CNTLN: variants seen among roughly 807,000 people sequenced by gnomAD.
The protein encoded by CNTLN is centlein.
In CNTLN, 212 loss-of-function variants were observed where a neutral mutation model predicts 180.0. The ratio of observed to expected loss-of-function variants is 1.18; its 90% CI spans 1.05 to 1.32. The LOEUF (loss-of-function observed/expected upper bound fraction) is 1.32. CNTLN is among the 40% of genes most tolerant of loss of function. The probability of loss-of-function intolerance (pLI) is 0.00; values close to 1 mark genes in which losing one functional copy is unlikely to be tolerated. For missense variants in CNTLN, 2,095 were observed against 1,610.9 expected (o/e 1.30, Z -5.14); for synonymous variants, 722 against 563.1 (o/e 1.28, Z -3.99).
chr9:17,337,996 A>G (rs181514789), intron 10 of CNTLN, among the ~76,000 whole-genome samples: 12 of 152,270 alleles, frequency 7.9e-5, no homozygotes, highest in Admixed American at 4.6e-4. Flanking sequence ...GATTCAATGA[A>G]GAATAATTAT....
At chr9:17,319,085 T>C (rs1300665800) in intron 8 of CNTLN, among the ~76,000 whole-genome samples, 1 of 152,148 alleles carries the variant, frequency 6.6e-6, no homozygotes, top group Non-Finnish European at 1.5e-5. Flanking sequence ...AGGAGCATGT[T>C]TATGGAGAGG....
intron 18 of CNTLN, among the ~76,000 whole-genome samples, chr9:17,430,428 T>C (rs1564099859): frequency 6.6e-6 from 1 of 152,092 alleles, no homozygotes; most frequent in Non-Finnish European, 1.5e-5. Flanking sequence ...TATTGATACA[T>C]AATAGTTGTT....
At chr9:17,205,636 C>G (rs1025202888) in intron 2 of CNTLN, among the ~76,000 whole-genome samples, 4 of 152,128 alleles carry the variant, frequency 2.6e-5, no homozygotes, top group Non-Finnish European at 5.9e-5. Context: ...AGGAGGAGGC[C>G]AGAGGGATTT....
At chr9:17,345,819 T>C (rs4961540) in intron 12 of CNTLN, among the ~76,000 whole-genome samples, 90,336 of 151,894 alleles carry the variant, frequency 0.59, 27,146 homozygotes, top group East Asian at 0.73. Flanking sequence ...GATAAATAAT[T>C]TATGTATGGG....
At chr9:17,396,840 G>A (rs1826562868) in intron 15 of CNTLN, among the ~76,000 whole-genome samples, 2 of 152,120 alleles carry the variant, frequency 1.3e-5, no homozygotes, top group Non-Finnish European at 2.9e-5. Flanking sequence ...CTTGTCCTCA[G>A]GCAGTTAAAG....
Position 17,407,131 on chromosome 9 carries a change from C to G in CNTLN, c.2616-2162C>G, listed in dbSNP as rs1827454648. Among the ~76,000 whole-genome samples the G allele has an allele frequency of 2.0e-5, 3 of 152,072 alleles. No individual in the cohort carries two copies. In the South Asian group the frequency reaches 6.2e-4, roughly 32 times the overall value. ...TACTGAAATAACTTGTAGATTTGAT[C>G]AATTGCTGTTGGTATTTTGAAGGAG... On this transcript the variant is annotated intron_variant, in intron 15 of 25. Transcript: ENST00000380647.
chr9:17,171,018 G>C (rs1327721850), intron 2 of CNTLN, among the ~76,000 whole-genome samples: 1 of 152,108 alleles, frequency 6.6e-6, no homozygotes, highest in East Asian at 1.9e-4. Flanking sequence ...ATATCATTTA[G>C]GTTTATGTGA....
intron 18 of CNTLN, among the ~76,000 whole-genome samples, chr9:17,431,827 G>A (rs1829434512): frequency 6.6e-6 from 1 of 152,060 alleles, no homozygotes; most frequent in African/African-American, 2.4e-5. Context: ...AACACCAGAA[G>A]GAAGCAACAC....
Position 17,363,669 on chromosome 9 carries a change from A to G in CNTLN, c.1887-2948A>G, listed in dbSNP as rs533538852. Among the ~76,000 whole-genome samples, 24 of 152,150 alleles carry G rather than the reference A, an allele frequency of 1.6e-4. No individual in the cohort carries two copies. In the East Asian group the frequency reaches 3.1e-3, roughly 20 times the overall value. ...TACAAGGACCTTGAAATGTTTAACT[A>G]TGGTATCTTTGATGATCCAATATCG... On this transcript the variant is annotated intron_variant, in intron 12 of 25. Transcript: ENST00000380647.
At chr9:17,323,396 G>T (rs1270456421) in intron 8 of CNTLN, among the ~76,000 whole-genome samples, 2 of 152,160 alleles carry the variant, frequency 1.3e-5, no homozygotes, top group Non-Finnish European at 2.9e-5. Context: ...TAGAACATTA[G>T]CCATGGCACT....
intron 5 of CNTLN, among the ~76,000 whole-genome samples, chr9:17,263,360 A>G (rs535237985): frequency 6.6e-6 from 1 of 150,904 alleles, no homozygotes; most frequent in South Asian, 2.1e-4. Flanking sequence ...TGTCCCTACA[A>G]AGGACATGAA....
At chr9:17,428,817 A>G (rs1829244319) in intron 18 of CNTLN, among the ~76,000 whole-genome samples, 1 of 152,098 alleles carries the variant, frequency 6.6e-6, no homozygotes, top group Non-Finnish European at 1.5e-5. Context: ...ATACACAATT[A>G]TAGGAAGGAA....
chr9:17,291,849 T>C (rs1829433450), intron 6 of CNTLN, among the ~76,000 whole-genome samples: 1 of 152,214 alleles, frequency 6.6e-6, no homozygotes, highest in Non-Finnish European at 1.5e-5. Flanking sequence ...CCTGTTATGA[T>C]GGTAGCTGGT....
chr9:17,440,681 A>G (rs2134040129), intron 18 of CNTLN, among the ~76,000 whole-genome samples: 1 of 152,326 alleles, frequency 6.6e-6, no homozygotes, highest in East Asian at 1.9e-4. Flanking sequence ...CAAAGGGGAA[A>G]CAACCTATGG....
At chr9:17,427,980 G>C (rs1487533147) in intron 18 of CNTLN, among the ~76,000 whole-genome samples, 4 of 152,028 alleles carry the variant, frequency 2.6e-5, no homozygotes, top group Admixed American at 6.6e-5. Flanking sequence ...GCTTATTTGT[G>C]GTAAGAGACA....
chr9:17,496,247 G>A (rs1043602683), intron 25 of CNTLN, among the ~76,000 whole-genome samples: 1 of 152,090 alleles, frequency 6.6e-6, no homozygotes, highest in Admixed American at 6.5e-5. Context: ...GTACTATTAA[G>A]TGTTCTCTTA....
chr9:17,201,643 C>T (rs1356428551), intron 2 of CNTLN, among the ~76,000 whole-genome samples: 3 of 152,116 alleles, frequency 2.0e-5, no homozygotes, highest in African/African-American at 7.2e-5. Flanking sequence ...ATGGTATTCT[C>T]TGATGGTAGT....
chr9:17,298,051 C>A (rs1014350952), intron 6 of CNTLN, 139 bp from the exon 7 acceptor site: 4 of 532,500 alleles, frequency 7.5e-6, no homozygotes, highest in Non-Finnish European at 9.3e-6. Context: ...GTCATTATTT[C>A]TTTTATTAAT....
intron 14 of CNTLN, among the ~76,000 whole-genome samples, chr9:17,390,235 C>CTTTTTTTTTTTT (rs35329298): frequency 1.7e-4 from 13 of 77,404 alleles, no homozygotes; most frequent in South Asian, 5.4e-4. Flanking sequence ...AAAAGAGCCT[C>CTTTTTTTTTTTT]TTTTTTTTTT....
Sources: allele counts gnomAD v4.1 joint callset (sites outside exome capture counted in the v4.1 genomes callset), GRCh38; gene constraint gnomAD v4.1.1; transcripts MANE v1.5; gene names NCBI Gene and HGNC (gene_info 2026-07-23, HGNC 2026-07-21).